LRRN2: variants seen among roughly 807,000 people sequenced by gnomAD.
LRRN2 encodes leucine rich repeat neuronal 2.
In LRRN2, 10 loss-of-function variants were observed where a neutral mutation model predicts 35.7. That is an observed-to-expected ratio of 0.28 (90% confidence interval 0.17 to 0.47). LRRN2 has a LOEUF of 0.47. Among genes scored for constraint, LRRN2 ranks in the 20% least tolerant of loss-of-function variants. The probability of loss-of-function intolerance (pLI) is 0.99; values close to 1 mark genes in which losing one functional copy is unlikely to be tolerated. For synonymous variants in LRRN2, 391 were observed against 409.6 expected (o/e 0.95, Z 0.55); for missense variants, 731 against 940.3 (o/e 0.78, Z 2.91).
chr1:204,674,478 G>A (rs1463663000), intron 1 of LRRN2, among the ~76,000 whole-genome samples: 1 of 152,170 alleles, frequency 6.6e-6, no homozygotes, highest in East Asian at 1.9e-4. Flanking sequence ...TGTGTTTCAG[G>A]GAGAGCTGGG....
chr1:204,645,751 GA>G (rs1004267895), intron 1 of LRRN2, among the ~76,000 whole-genome samples: 3 of 152,184 alleles, frequency 2.0e-5, no homozygotes, highest in African/African-American at 7.2e-5. Flanking sequence ...GGAAAAGCAA[GA>G]ACCTTCTTCA....
intron 1 of LRRN2, among the ~76,000 whole-genome samples, chr1:204,650,460 GA>G: frequency 6.6e-6 from 1 of 152,312 alleles, no homozygotes; most frequent in Non-Finnish European, 1.5e-5. Context: ...GGCAGGGAGA[GA>G]CTGAGGGTCA....
chr1:204,618,767 C>T lies in LRRN2; in HGVS notation c.1226G>A (p.Arg409His), dbSNP rs200135141. ...CGTCATCTCCCGGAAGGGCACCTCACGGACCGGGAGGCGCTGGAGGTCCGG... is the reference window on the plus strand; with the variant it reads ...CGTCATCTCCCGGAAGGGCACCTCATGGACCGGGAGGCGCTGGAGGTCCGG... ...EPPDLQRLPV[R>H]EVPFREMTDH... The change falls in exon 2 of 2, where the codon CGT (arginine) becomes CAT (histidine). Residue 409 changes from arginine (R) to histidine (H), a missense_variant. This residue lies in a region of LRRN2 where 256 missense variants were observed against 392.4 expected (regional missense o/e 0.65). Coordinates refer to ENST00000367177, the MANE Select transcript of LRRN2 (RefSeq NM_201630.2). The T allele has an allele frequency of 1.8e-5, 29 of 1,612,986 alleles. No individual in the cohort carries two copies. Among genetic ancestry groups the T allele is most frequent in the Admixed American group, 1.2e-4 (7 of 59,950 alleles).
At chr1:204,670,380 G>A (rs1668681641) in intron 1 of LRRN2, among the ~76,000 whole-genome samples, 1 of 152,188 alleles carries the variant, frequency 6.6e-6, no homozygotes, top group South Asian at 2.1e-4. Flanking sequence ...AGTGGGAGAT[G>A]TAGCAGGAGA....
intron 1 of LRRN2, among the ~76,000 whole-genome samples, chr1:204,660,587 T>A (rs905946469): frequency 6.6e-6 from 1 of 151,822 alleles, no homozygotes; most frequent in African/African-American, 2.4e-5. Context: ...ACACTCTCTC[T>A]CTCTCTCTCT....
intron 1 of LRRN2, among the ~76,000 whole-genome samples, chr1:204,625,852 T>C (rs1667309499): frequency 1.3e-5 from 2 of 152,272 alleles, no homozygotes; most frequent in South Asian, 4.1e-4. Flanking sequence ...GAAGAGAGGC[T>C]GATTCTTCTC....
intron 1 of LRRN2, among the ~76,000 whole-genome samples, chr1:204,653,039 T>C (rs1468122267): frequency 6.6e-6 from 1 of 152,202 alleles, no homozygotes; most frequent in Non-Finnish European, 1.5e-5. Flanking sequence ...GGGACCTCGG[T>C]ATCCACCTCA....
At chr1:204,625,592 G>A (rs940254267) in intron 1 of LRRN2, among the ~76,000 whole-genome samples, 6 of 152,074 alleles carry the variant, frequency 3.9e-5, no homozygotes, top group Admixed American at 6.6e-5. Flanking sequence ...AGGTTCCTAC[G>A]TATGTGCCCC....
chr1:204,634,270 G>A (rs1438534236), intron 1 of LRRN2, among the ~76,000 whole-genome samples: 2 of 152,214 alleles, frequency 1.3e-5, no homozygotes, highest in African/African-American at 4.8e-5. Context: ...GAATTGCAGG[G>A]GAGGGGAGCA....
chr1:204,685,066 G>T (rs1354161326), intron 1 of LRRN2, among the ~76,000 whole-genome samples: 1 of 152,116 alleles, frequency 6.6e-6, no homozygotes, highest in African/African-American at 2.4e-5. Context: ...CCGTCCCTCT[G>T]CCCCTCGGCC....
At chr1:204,673,463 C>T (rs2782525) in intron 1 of LRRN2, among the ~76,000 whole-genome samples, 103,394 of 152,040 alleles carry the variant, frequency 0.68, 36,642 homozygotes, top group Non-Finnish European at 0.78. Context: ...CAATGAGAGA[C>T]TGAGACACGT....
At chr1:204,645,676 G>A (rs1429388919) in intron 1 of LRRN2, among the ~76,000 whole-genome samples, 2 of 152,134 alleles carry the variant, frequency 1.3e-5, no homozygotes. Context: ...AAAGAAAAGA[G>A]GTTTAATTGA....
At position 204,619,982 on chromosome 1, in the gene LRRN2, A is replaced by G. The variant is rs899745201; in HGVS notation, c.11T>C (p.Leu4Pro). MRL[L>P]VAPLLLAWVA... Reference sequence around the variant, plus strand: ...CCAAGCTAGCAAGAGTGGGGCCACGAGAAGCCTCATGGTGGAGCTGCAGGG... The same window carrying G: ...CCAAGCTAGCAAGAGTGGGGCCACGGGAAGCCTCATGGTGGAGCTGCAGGG... The change falls in exon 2 of 2, where the codon CTC becomes CCC. Residue 4 changes from leucine to proline, a missense_variant. By Grantham distance (98) the Leu-to-Pro change is moderately conservative. This residue lies in a region of LRRN2 where 246 missense variants were observed against 289.5 expected (regional missense o/e 0.85). Coordinates refer to ENST00000367177, the MANE Select transcript of LRRN2 (RefSeq NM_201630.2). 36 of 1,609,448 alleles carry G rather than the reference A, an allele frequency of 2.2e-5. No homozygotes were observed. The highest frequency in any genetic ancestry group is 3.0e-5 in the Non-Finnish European group (35 of 1,178,490).
intron 1 of LRRN2, among the ~76,000 whole-genome samples, chr1:204,638,320 G>T (rs1667888779): frequency 6.6e-6 from 1 of 151,230 alleles, no homozygotes; most frequent in African/African-American, 2.4e-5. Flanking sequence ...CCGCACCGTT[G>T]GAGTCAGAAC....
At chr1:204,651,195 C>T (rs188443609) in intron 1 of LRRN2, among the ~76,000 whole-genome samples, 1 of 152,276 alleles carries the variant, frequency 6.6e-6, no homozygotes, top group East Asian at 1.9e-4. Context: ...CCTCAGCTGC[C>T]AGCCAGCATG....
chr1:204,652,699 G>A (rs1435246027), intron 1 of LRRN2, among the ~76,000 whole-genome samples: 1 of 152,146 alleles, frequency 6.6e-6, no homozygotes, highest in East Asian at 1.9e-4. Flanking sequence ...CTAAGAGCGT[G>A]CCCACGAATC....
chr1:204,636,061 A>C (rs1017610440), intron 1 of LRRN2, among the ~76,000 whole-genome samples: 2 of 152,086 alleles, frequency 1.3e-5, no homozygotes, highest in Admixed American at 1.3e-4. Context: ...CACCAGCCCC[A>C]TCTTTGCCAT....
At chr1:204,684,413 G>T (rs1669020291) in intron 1 of LRRN2, among the ~76,000 whole-genome samples, 1 of 152,182 alleles carries the variant, frequency 6.6e-6, no homozygotes, top group Admixed American at 6.5e-5. Context: ...GTTCGTTTGG[G>T]TGGGGGAGGA....
At chr1:204,676,194 C>G (rs991386098) in intron 1 of LRRN2, among the ~76,000 whole-genome samples, 1 of 150,166 alleles carries the variant, frequency 6.7e-6, no homozygotes, top group Non-Finnish European at 1.5e-5. Flanking sequence ...GCACACTTTA[C>G]CTGTTGCAAA....
Sources: allele counts gnomAD v4.1 joint callset (sites outside exome capture counted in the v4.1 genomes callset), GRCh38; gene constraint gnomAD v4.1.1; regional missense constraint gnomAD v4.1.1; transcripts MANE v1.5; gene names NCBI Gene and HGNC (gene_info 2026-07-23, HGNC 2026-07-21).